Variants in SIAE observed in about 807,000 individuals in gnomAD.
SIAE encodes sialic acid acetylesterase, also known as sialate O-acetylesterase.
Under a neutral mutation model 52.6 loss-of-function variants are expected in SIAE, and 39 were observed. The observed-to-expected ratio is 0.74, with a 90% CI of 0.57 to 0.97. SIAE has a LOEUF of 0.97. SIAE is among the 50% of genes least tolerant of loss of function. The pLI, the probability that SIAE is intolerant of heterozygous loss-of-function variation, is 0.00. For missense variants in SIAE, 592 were observed against 662.1 expected (o/e 0.89, Z 1.16); for synonymous variants, 233 against 241.4 (o/e 0.97, Z 0.32).
chr11:124,656,452 G>A (rs1256360059), intron 3 of SIAE, among the ~76,000 whole-genome samples: 1 of 152,084 alleles, frequency 6.6e-6, no homozygotes, highest in Non-Finnish European at 1.5e-5. Context: ...TTAAAGAAGA[G>A]GGTCCCTCCA....
intron 4 of SIAE, among the ~76,000 whole-genome samples, chr11:124,653,334 T>C (rs986417250): frequency 1.3e-5 from 2 of 151,960 alleles, no homozygotes; most frequent in Admixed American, 6.6e-5. Context: ...TACTTATAAA[T>C]GTAGGAGCAT....
intron 7 of SIAE, among the ~76,000 whole-genome samples, chr11:124,642,758 G>A (rs998386860): frequency 1.3e-4 from 20 of 152,204 alleles, no homozygotes; most frequent in African/African-American, 4.8e-4. Context: ...TTTTGCAGAT[G>A]TTACAAGTAA....
intron 7 of SIAE, among the ~76,000 whole-genome samples, chr11:124,646,152 A>G (rs1942930043): frequency 6.6e-6 from 1 of 152,260 alleles, no homozygotes; most frequent in African/African-American, 2.4e-5. Flanking sequence ...TGTGGAGGCT[A>G]GGCAATTATG....
Position 124,654,658 on chromosome 11 carries a change from AG to A in SIAE, c.540del (p.Ser181GlnfsTer4), listed in dbSNP as rs1355858568. On this transcript the variant is annotated frameshift_variant, in exon 4 of 10. Coordinates refer to ENST00000263593, the MANE Select transcript of SIAE (RefSeq NM_170601.5). LOFTEE classifies it high-confidence loss of function. ...GCACGTTCAAGCCGTCACATACCTGAGGTGGGCTTAGACCACTGCAAGTCAA... is the reference window on the plus strand; with the variant it reads ...GCACGTTCAAGCCGTCACATACCTGAGTGGGCTTAGACCACTGCAAGTCAA... ...VAVDLQWSKP[T>X]SENLGHGYFK... The A allele has an allele frequency of 6.2e-7, 1 of 1,614,034 alleles. No homozygotes were observed. Among genetic ancestry groups the A allele is most frequent in the Admixed American group, 1.7e-5 (1 of 59,994 alleles).
chr11:124,654,247 C>T, intron 4 of SIAE: 1 of 985,218 alleles, frequency 1.0e-6, no homozygotes, highest in Non-Finnish European at 1.2e-6. Flanking sequence ...AACCACAGTG[C>T]CTAAGGGATT....
intron 7 of SIAE, among the ~76,000 whole-genome samples, chr11:124,644,353 GAAAAAAAAA>G (rs370589585): frequency 2.0e-5 from 2 of 102,156 alleles, no homozygotes; most frequent in Admixed American, 1.1e-4. Context: ...TCTGTGGTGA[GAAAAAAAAA>G]AAAAAAAAAA....
chr11:124,663,736 C>T (rs755133307), intron 2 of SIAE, among the ~76,000 whole-genome samples: 6 of 152,086 alleles, frequency 3.9e-5, no homozygotes, highest in Non-Finnish European at 5.9e-5. Flanking sequence ...TTAGCTTATC[C>T]GTTCAGGACT....
At chr11:124,638,906 A>T (rs2134352384) in intron 8 of SIAE, among the ~76,000 whole-genome samples, 169 bp from the exon 9 acceptor site, 1 of 152,302 alleles carries the variant, frequency 6.6e-6, no homozygotes. Context: ...TGGTAACCAT[A>T]GATGGGGCTC....
rs768175308 is a variant in SIAE at position 124,639,895 on chromosome 11, A to G, written c.967-28T>C. 206 of 1,612,312 alleles carry G rather than the reference A, an allele frequency of 1.3e-4. 4 individuals carry two copies. In the Admixed American group the frequency reaches 2.6e-3, roughly 20 times the overall value. ...AGAAAGCAGAGACATTGCTAATTTT[A>G]TTGTATCAGAATCCCACACTGGAGT... On this transcript the variant is annotated intron_variant, in intron 7 of 9. Transcript: ENST00000263593.
At chr11:124,672,542 A>G (rs1943380779) in intron 1 of SIAE, among the ~76,000 whole-genome samples, 1 of 152,346 alleles carries the variant, frequency 6.6e-6, no homozygotes, top group East Asian at 1.9e-4. Context: ...AATGTGATCA[A>G]TGTTAATGAA....
At chr11:124,665,801 A>G (rs573058976) in intron 2 of SIAE, among the ~76,000 whole-genome samples, 7 of 152,320 alleles carry the variant, frequency 4.6e-5, no homozygotes, top group African/African-American at 1.4e-4. Context: ...CCTGGGTGAC[A>G]GAGCAAGACT....
intron 2 of SIAE, among the ~76,000 whole-genome samples, chr11:124,665,754 G>T (rs1327119664): frequency 6.6e-6 from 1 of 151,732 alleles, no homozygotes; most frequent in Non-Finnish European, 1.5e-5. Flanking sequence ...GGCAGGCAAA[G>T]GTTGCAGTGA....
At chr11:124,652,281 G>A (rs199549954) in intron 4 of SIAE, among the ~76,000 whole-genome samples, 2 of 152,244 alleles carry the variant, frequency 1.3e-5, no homozygotes, top group East Asian at 3.9e-4. Flanking sequence ...ATGTGATTAA[G>A]GTTAGGGACC....
intron 7 of SIAE, among the ~76,000 whole-genome samples, chr11:124,640,907 A>G (rs1258085328): frequency 1.3e-5 from 2 of 152,182 alleles, no homozygotes; most frequent in Non-Finnish European, 2.9e-5. Flanking sequence ...GAAGGACAAG[A>G]GCGCCCCTGC....
At chr11:124,671,356 T>C (rs563199158) in intron 1 of SIAE, among the ~76,000 whole-genome samples, 2 of 151,844 alleles carry the variant, frequency 1.3e-5, no homozygotes, top group Admixed American at 1.3e-4. Context: ...ATTGGGGATA[T>C]AACGATGAAA....
At chr11:124,647,262 G>C in intron 7 of SIAE, 103 bp downstream of exon 7, 1 of 1,495,264 alleles carries the variant, frequency 6.7e-7, no homozygotes, top group Non-Finnish European at 9.3e-7. Context: ...ATCCAGGAAA[G>C]AGATCCAAAT....
chr11:124,648,240 T>C (rs888469045), intron 5 of SIAE, 65 bp from the exon 6 acceptor site: 8 of 1,203,502 alleles, frequency 6.6e-6, no homozygotes, highest in African/African-American at 3.0e-5. Flanking sequence ...GGGTCCCTAA[T>C]TGGTCATCTA....
At chr11:124,643,382 C>A (rs922387763) in intron 7 of SIAE, among the ~76,000 whole-genome samples, 3 of 152,084 alleles carry the variant, frequency 2.0e-5, no homozygotes, top group Admixed American at 6.6e-5. Flanking sequence ...TCCGACCCGA[C>A]TTACACTTCA....
In SIAE at chr11:124,635,391, C is replaced by CA. The variant is rs768670390; in HGVS notation, c.*1559dup. The CA allele has an allele frequency of 6.6e-6, 1 of 152,128 alleles. No homozygotes were observed. Among genetic ancestry groups the CA allele is most frequent in the Non-Finnish European group, 1.5e-5 (1 of 68,022 alleles). The allele number at this position is 152,128 out of a possible 1,614,324, so 9.4% of individuals were successfully genotyped here. A position where few individuals can be genotyped will look rare whatever the true frequency, so the allele number is the denominator to read the frequency against. The stretch of plus-strand genomic sequence containing the variant: ...TAACTAAATAAAATCTTGGCACTGA[C>CA]AAAGTTATTCCTGCTGTTTGGAGCT... On this transcript the variant is annotated 3_prime_UTR_variant, in exon 10 of 10. Transcript: ENST00000263593.
Sources: allele counts gnomAD v4.1 joint callset (sites outside exome capture counted in the v4.1 genomes callset), GRCh38; gene constraint gnomAD v4.1.1; transcripts MANE v1.5; gene names NCBI Gene and HGNC (gene_info 2026-07-23, HGNC 2026-07-21).